The following GPCPD1 variants were observed in gnomAD, a reference collection of about 807,000 sequenced individuals.
GPCPD1 encodes the protein glycerophosphocholine phosphodiesterase 1.
Under a neutral mutation model 89.2 loss-of-function variants are expected in GPCPD1, and 29 were observed. The ratio of observed to expected loss-of-function variants is 0.33; its 90% CI spans 0.24 to 0.44. The LOEUF is 0.44. Among genes scored for constraint, GPCPD1 ranks in the 20% least tolerant of loss-of-function variants. The pLI is 1.00. For missense variants in GPCPD1, 594 were observed against 808.9 expected (o/e 0.73, Z 3.22); for synonymous variants, 258 against 266.3 (o/e 0.97, Z 0.30).
intron 8 of GPCPD1, among the ~76,000 whole-genome samples, chr20:5,576,659 G>C (rs562130327): frequency 5.0e-4 from 76 of 151,990 alleles, no homozygotes; most frequent in Non-Finnish European, 9.1e-4. Context: ...CTTTTATGTT[G>C]TTGTAAGACT....
At chr20:5,606,571 G>C (rs1465973168) in intron 1 of GPCPD1, among the ~76,000 whole-genome samples, 1 of 152,120 alleles carries the variant, frequency 6.6e-6, no homozygotes, top group African/African-American at 2.4e-5. Flanking sequence ...CTCACCAAAG[G>C]CAATTCTTCC....
chr20:5,557,488 G>C (rs1985839637), intron 19 of GPCPD1, among the ~76,000 whole-genome samples: 1 of 152,152 alleles, frequency 6.6e-6, no homozygotes, highest in African/African-American at 2.4e-5. Flanking sequence ...CTAAGAATAT[G>C]GTCTGAATTG....
At chr20:5,555,805 G>A (rs1470501862) in intron 19 of GPCPD1, among the ~76,000 whole-genome samples, 2 of 152,210 alleles carry the variant, frequency 1.3e-5, no homozygotes, top group Admixed American at 6.5e-5. Context: ...AGTGAGCCAA[G>A]ATCATGCCAT....
intron 19 of GPCPD1, chr20:5,549,581 G>C (rs1985247870): frequency 1.5e-6 from 1 of 645,332 alleles, no homozygotes; most frequent in Non-Finnish European, 2.7e-6. Context: ...AAAACTACTA[G>C]AGTGGACTGG....
intron 19 of GPCPD1, among the ~76,000 whole-genome samples, chr20:5,556,293 T>C (rs1985764748): frequency 1.3e-5 from 2 of 152,132 alleles, no homozygotes; most frequent in Non-Finnish European, 2.9e-5. Flanking sequence ...CTGCAACCTC[T>C]GCCTCCTGGG....
chr20:5,598,867 C>A, intron 2 of GPCPD1, 46 bp from the exon 3 acceptor site: 2 of 1,194,080 alleles, frequency 1.7e-6, no homozygotes, highest in South Asian at 2.5e-5. Context: ...AACAATCAGT[C>A]ACAGTGGGAT....
At position 5,558,757 on chromosome 20, in the gene GPCPD1, TA is replaced by T. The variant is rs1411073841; in HGVS notation, c.1594del (p.Tyr532IlefsTer16). ...AGATCTGAGGTCCATGAGTTCAGGATAAATCTCAGATTTTCCTTGAGTTAAA... is the reference window on the plus strand; with the variant it reads ...AGATCTGAGGTCCATGAGTTCAGGATAATCTCAGATTTTCCTTGAGTTAAA... ...LFLTQGKSEI[Y>X]PELMDLRSRT... On this transcript the variant is annotated frameshift_variant, in exon 18 of 20. Coordinates refer to ENST00000379019, the MANE Select transcript of GPCPD1 (RefSeq NM_019593.5). LOFTEE classifies it high-confidence loss of function. 6.3e-7 allele frequency: 1 copy of T among 1,597,898 alleles called. No individual in the cohort carries two copies.
intron 2 of GPCPD1, among the ~76,000 whole-genome samples, chr20:5,604,017 G>T (rs1202182065): frequency 6.6e-6 from 1 of 152,194 alleles, no homozygotes; most frequent in Non-Finnish European, 1.5e-5. Flanking sequence ...AAAGTGCTGG[G>T]ATTACAGGCA....
intron 1 of GPCPD1, among the ~76,000 whole-genome samples, chr20:5,608,231 T>G (rs749217547): frequency 1.2e-4 from 19 of 152,038 alleles, no homozygotes; most frequent in Non-Finnish European, 2.5e-4. Context: ...TTTGGAAGAG[T>G]GACTACAGTA....
chr20:5,592,612 G>C (rs551129754), intron 4 of GPCPD1, among the ~76,000 whole-genome samples: 17 of 152,294 alleles, frequency 1.1e-4, no homozygotes, highest in African/African-American at 4.1e-4. Flanking sequence ...TCCATGATTT[G>C]TATCCTAGAC....
chr20:5,601,763 A>C (rs1252884736), intron 2 of GPCPD1, among the ~76,000 whole-genome samples: 3 of 152,208 alleles, frequency 2.0e-5, no homozygotes, highest in Non-Finnish European at 4.4e-5. Context: ...CTATGAAAAG[A>C]ACAAACTCCA....
chr20:5,553,982 T>A (rs1985595231), intron 19 of GPCPD1, among the ~76,000 whole-genome samples: 1 of 89,524 alleles, frequency 1.1e-5, no homozygotes. Context: ...CTTTTCTTTT[T>A]TTTTAAGACA....
chr20:5,593,543 C>T, intron 3 of GPCPD1, 132 bp from the exon 4 acceptor site: 1 of 597,110 alleles, frequency 1.7e-6, no homozygotes, highest in Non-Finnish European at 3.0e-6. Flanking sequence ...CAAAATTTTA[C>T]AGGCCTACTC....
At chr20:5,602,316 G>A (rs1031196135) in intron 2 of GPCPD1, among the ~76,000 whole-genome samples, 3 of 152,274 alleles carry the variant, frequency 2.0e-5, no homozygotes, top group South Asian at 4.1e-4. Context: ...GCCCGACATG[G>A]CCAGCTCCTT....
At chr20:5,582,719 T>A (rs1978626854) in intron 6 of GPCPD1, among the ~76,000 whole-genome samples, 1 of 151,590 alleles carries the variant, frequency 6.6e-6, no homozygotes, top group South Asian at 2.1e-4. Context: ...CAAAACCCCA[T>A]CTCTACTAAA....
At chr20:5,571,613 A>C (rs1986721833) in intron 11 of GPCPD1, among the ~76,000 whole-genome samples, 1 of 152,190 alleles carries the variant, frequency 6.6e-6, no homozygotes, top group African/African-American at 2.4e-5. Context: ...AAAAGCACAT[A>C]TCTAAAAATT....
rs372737157 is a variant in GPCPD1 at position 5,561,575 on chromosome 20, T to C, written c.1330-45A>G. 1.4e-5 allele frequency: 13 copies of C among 937,560 alleles called. No individual in the cohort carries two copies. In the African/African-American group the frequency reaches 1.5e-4, roughly 11 times the overall value. 58.1% of individuals were successfully genotyped at this position (937,560 alleles called of 1,614,324 possible). ...TAAATTTTGTTTTTGATGAGATGGA[T>C]AGCAGAATAAGAAAACAAAAAAAAT... On this transcript the variant is annotated intron_variant, in intron 15 of 19. Coordinates refer to ENST00000379019, the MANE Select transcript of GPCPD1 (RefSeq NM_019593.5).
At chr20:5,577,490 G>GAA (rs763705757) in intron 8 of GPCPD1, among the ~76,000 whole-genome samples, 5 of 59,788 alleles carry the variant, frequency 8.4e-5, no homozygotes, top group Admixed American at 1.9e-4. Context: ...CCTCTCTCCA[G>GAA]AAAAAAAAAA....
chr20:5,597,217 C>T (rs956058160), intron 3 of GPCPD1, among the ~76,000 whole-genome samples: 1 of 152,116 alleles, frequency 6.6e-6, no homozygotes, highest in East Asian at 1.9e-4. Flanking sequence ...TAGTGACAAA[C>T]TAGAAAAAAG....
Sources: allele counts gnomAD v4.1 joint callset (sites outside exome capture counted in the v4.1 genomes callset), GRCh38; gene constraint gnomAD v4.1.1; transcripts MANE v1.5; gene names NCBI Gene and HGNC (gene_info 2026-07-23, HGNC 2026-07-21).